Variants in CSTPP1 observed in about 807,000 individuals in gnomAD.
CSTPP1 encodes the protein centriolar satellite-associated tubulin polyglutamylase complex regulator 1.
At chr11:47,049,955 AAGATATC>A in the CSTPP1 span, among the ~76,000 whole-genome samples, 273 of 152,226 alleles carry the variant, frequency 1.8e-3, no homozygotes, top group Non-Finnish European at 2.8e-3. Context: ...AAGACAAAAT[AAGATATC>A]AGGTCAGAAA....
At chr11:47,144,492 T>C in the CSTPP1 span, among the ~76,000 whole-genome samples, 8 of 152,114 alleles carry the variant, frequency 5.3e-5, no homozygotes, top group African/African-American at 1.9e-4. Flanking sequence ...GCCTGGCCAG[T>C]AGTAATTTCT....
the CSTPP1 span, among the ~76,000 whole-genome samples, chr11:47,086,232 TCCAAAAAA>T: frequency 0.059 from 1,861 of 31,748 alleles, 75 homozygotes; most frequent in African/African-American, 0.21. Flanking sequence ...CTACTAAAAA[TCCAAAAAA>T]AAAAAAAAAA....
At chr11:47,066,104 T>TG in the CSTPP1 span, among the ~76,000 whole-genome samples, 4 of 141,130 alleles carry the variant, frequency 2.8e-5, no homozygotes, top group African/African-American at 5.3e-5. Flanking sequence ...TTTTTTTTTT[T>TG]TTTTTTTTTT....
chr11:47,067,604 A>G, the CSTPP1 span, among the ~76,000 whole-genome samples: 1 of 152,224 alleles, frequency 6.6e-6, no homozygotes, highest in East Asian at 1.9e-4. Flanking sequence ...AGAGCTGCCC[A>G]TGCCCCTCCA....
At chr11:46,982,651 A>T in the CSTPP1 span, among the ~76,000 whole-genome samples, 1 of 152,168 alleles carries the variant, frequency 6.6e-6, no homozygotes, top group Non-Finnish European at 1.5e-5. Flanking sequence ...AGTAATTAGC[A>T]GTTAATAAGT....
the CSTPP1 span, among the ~76,000 whole-genome samples, chr11:46,997,972 C>T: frequency 6.6e-6 from 1 of 152,202 alleles, no homozygotes; most frequent in Non-Finnish European, 1.5e-5. Context: ...TCGGCCCCTA[C>T]TGGGAGGTGC....
chr11:47,121,554 C>T, the CSTPP1 span, among the ~76,000 whole-genome samples: 1 of 152,182 alleles, frequency 6.6e-6, no homozygotes, highest in African/African-American at 2.4e-5. Flanking sequence ...ATCATGGGCT[C>T]ATAGGTCTGG....
At chr11:47,130,248 T>G in the CSTPP1 span, among the ~76,000 whole-genome samples, 1 of 148,894 alleles carries the variant, frequency 6.7e-6, no homozygotes, top group Non-Finnish European at 1.5e-5. Context: ...AGAGCAAGAC[T>G]CTGTCTCAAA....
chr11:47,086,639 T>C, the CSTPP1 span, among the ~76,000 whole-genome samples: 12 of 152,188 alleles, frequency 7.9e-5, no homozygotes, highest in Non-Finnish European at 1.5e-4. Context: ...CAACCCTGGC[T>C]CTTTTACTTC....
the CSTPP1 span, among the ~76,000 whole-genome samples, chr11:46,957,232 AT>A: frequency 6.6e-6 from 1 of 152,218 alleles, no homozygotes; most frequent in East Asian, 1.9e-4. Context: ...CATCTTTATC[AT>A]GGGTATTACT....
At chr11:47,159,451 G>A in the CSTPP1 span, among the ~76,000 whole-genome samples, 35 of 151,932 alleles carry the variant, frequency 2.3e-4, no homozygotes, top group Admixed American at 1.5e-3. Context: ...CGGAGGTTGC[G>A]GTGAGCCGAG....
At chr11:46,948,280 C>A in the CSTPP1 span, 1 of 393,124 alleles carries the variant, frequency 2.5e-6, no homozygotes, top group South Asian at 1.8e-5. Context: ...TCTGTCCCAT[C>A]TTAGTTTTTC....
chr11:47,161,788 T>C, the CSTPP1 span: 2 of 1,416,588 alleles, frequency 1.4e-6, no homozygotes, highest in South Asian at 1.6e-5. Context: ...AGAGGGGCTC[T>C]GATGATCAGC....
At chr11:46,986,438 T>C in the CSTPP1 span, among the ~76,000 whole-genome samples, 8 of 149,694 alleles carry the variant, frequency 5.3e-5, no homozygotes, top group South Asian at 1.0e-3. Flanking sequence ...TTTTTTTTTT[T>C]CTAATTTAAA....
At chr11:47,059,306 G>A in the CSTPP1 span, among the ~76,000 whole-genome samples, 15 of 151,684 alleles carry the variant, frequency 9.9e-5, no homozygotes, top group Non-Finnish European at 1.9e-4. Context: ...CATCTATCCC[G>A]TTTTTTTTAG....
chr11:47,101,318 T>A, the CSTPP1 span, among the ~76,000 whole-genome samples: 16 of 151,578 alleles, frequency 1.1e-4, no homozygotes, highest in African/African-American at 3.6e-4. Context: ...ATTGAGAGAA[T>A]CAAAAGAGCC....
chr11:47,062,472 A>G, the CSTPP1 span, among the ~76,000 whole-genome samples: 1 of 152,180 alleles, frequency 6.6e-6, no homozygotes, highest in South Asian at 2.1e-4. Flanking sequence ...AATAATAGCT[A>G]CCCCTTATTG....
the CSTPP1 span, chr11:47,137,450 C>G: frequency 6.6e-7 from 1 of 1,507,816 alleles, no homozygotes; most frequent in South Asian, 1.2e-5. Flanking sequence ...GCCTCCCACC[C>G]TGGAAAAGCT....
the CSTPP1 span, among the ~76,000 whole-genome samples, chr11:47,053,749 C>T: frequency 6.6e-6 from 1 of 150,894 alleles, no homozygotes; most frequent in African/African-American, 2.4e-5. Flanking sequence ...TGAGACCAAC[C>T]TGGACAACAT....
Sources: allele counts gnomAD v4.1 joint callset (sites outside exome capture counted in the v4.1 genomes callset), GRCh38; gene constraint gnomAD v4.1.1; transcripts MANE v1.5; gene names NCBI Gene and HGNC (gene_info 2026-07-23, HGNC 2026-07-21).